The following SLC16A2 variants were observed in gnomAD, a reference collection of about 807,000 sequenced individuals.
SLC16A2 encodes the protein monocarboxylate transporter 8.
In SLC16A2, 3 loss-of-function variants were observed where a neutral mutation model predicts 27.2. The observed-to-expected ratio is 0.11, with a 90% confidence interval of 0.05 to 0.28. SLC16A2 has a LOEUF of 0.28. Among genes scored for constraint, SLC16A2 ranks in the 10% least tolerant of loss-of-function variants. The pLI is 1.00. For missense variants in SLC16A2, 295 were observed against 458.5 expected (o/e 0.64, Z 3.26); for synonymous variants, 202 against 187.8 (o/e 1.08, Z -0.62).
Position 74,524,780 on chromosome X carries a change from C to T in SLC16A2, c.997C>T (p.Leu333Phe), listed in dbSNP as rs1481359228. The change falls in exon 3 of 6, where the codon CTT becomes TTT. Residue 333 changes from leucine to phenylalanine, a missense_variant. Physicochemically the swap from Leu to Phe is conservative, Grantham distance 22 (BLOSUM62 0). This residue lies in a region of SLC16A2 where 144 missense variants were observed against 219.8 expected (regional missense o/e 0.66). Transcript: ENST00000587091. ...IWAFGIAAAALGYFVPYVHLM... is the reference protein window; with the variant it reads ...IWAFGIAAAAFGYFVPYVHLM... Reference sequence around the variant, plus strand: ...GGCCTTCGGAATTGCTGCTGCTGCCCTTGGCTACTTTGTTCCCTATGTACA... The same window carrying T: ...GGCCTTCGGAATTGCTGCTGCTGCCTTTGGCTACTTTGTTCCCTATGTACA... The T allele has an allele frequency of 4.1e-6, 5 of 1,210,570 alleles. No individual in the cohort carries two copies. The highest frequency in any genetic ancestry group is 1.1e-6 in the Non-Finnish European group (1 of 895,414).
chrX:74,529,526 G>T (rs1930535793), intron 5 of SLC16A2, 85 bp downstream of exon 5: 1 of 712,431 alleles, frequency 1.4e-6, no homozygotes. Flanking sequence ...TCTCCTTGAG[G>T]CCCCTTTTCC....
At chrX:74,529,995 T>A (rs1383443974) in intron 5 of SLC16A2, among the ~76,000 whole-genome samples, 2 of 109,132 alleles carry the variant, frequency 1.8e-5, no homozygotes, top group Non-Finnish European at 3.8e-5. Context: ...CTCCTGGTTT[T>A]CTCCCTCCAT....
At chrX:74,443,483 G>C (rs952358231) in intron 1 of SLC16A2, among the ~76,000 whole-genome samples, 1 of 111,606 alleles carries the variant, frequency 9.0e-6, no homozygotes, top group African/African-American at 3.3e-5. Context: ...AAAAAGAGTG[G>C]GTGAGTGACC....
intron 1 of SLC16A2, among the ~76,000 whole-genome samples, chrX:74,439,843 A>G (rs1306196462): frequency 6.3e-5 from 7 of 110,531 alleles, no homozygotes; most frequent in African/African-American, 2.3e-4. Flanking sequence ...AGCAAGAGGA[A>G]CATAGTTGGG....
chrX:74,480,477 T>C (rs1316198015), intron 1 of SLC16A2, among the ~76,000 whole-genome samples: 1 of 112,296 alleles, frequency 8.9e-6, no homozygotes, highest in Non-Finnish European at 1.9e-5. Context: ...CTCAGTGCAC[T>C]GCACCCACTG....
chrX:74,525,991 C>A, intron 4 of SLC16A2, 98 bp downstream of exon 4: 1 of 986,754 alleles, frequency 1.0e-6, no homozygotes, highest in Non-Finnish European at 1.4e-6. Flanking sequence ...TGTTGTGTCG[C>A]ATGGGAAAGT....
intron 1 of SLC16A2, chrX:74,473,460 C>T: frequency 1.8e-6 from 1 of 540,730 alleles, no homozygotes; most frequent in Non-Finnish European, 3.3e-6. Flanking sequence ...TTCTGAATGA[C>T]AGTCTTATCC....
chrX:74,456,620 G>A (rs1344443406), intron 1 of SLC16A2, among the ~76,000 whole-genome samples: 1 of 112,155 alleles, frequency 8.9e-6, no homozygotes, highest in Non-Finnish European at 1.9e-5. Context: ...CTACCTTTGG[G>A]TACTGCCCCT....
chrX:74,437,504 G>C (rs988545317), intron 1 of SLC16A2, among the ~76,000 whole-genome samples: 26 of 111,981 alleles, frequency 2.3e-4, no homozygotes, highest in African/African-American at 7.5e-4. Context: ...CATCCAAATG[G>C]TGAACAGCAC....
intron 1 of SLC16A2, among the ~76,000 whole-genome samples, chrX:74,515,174 T>A (rs768486632): frequency 1.8e-5 from 2 of 110,786 alleles, no homozygotes; most frequent in Admixed American, 9.6e-5. Flanking sequence ...ATGAAAAAAA[T>A]ACTAAGTCTC....
intron 1 of SLC16A2, among the ~76,000 whole-genome samples, chrX:74,511,282 C>T (rs1930228298): frequency 2.7e-5 from 3 of 110,706 alleles, no homozygotes; most frequent in South Asian, 3.9e-4. Context: ...CCCAGGTTCG[C>T]GCCATTCTCC....
At chrX:74,431,747 A>G (rs963470526) in intron 1 of SLC16A2, among the ~76,000 whole-genome samples, 6 of 112,318 alleles carry the variant, frequency 5.3e-5, no homozygotes, top group Non-Finnish European at 1.1e-4. Flanking sequence ...AAGAAAATGA[A>G]GGGTCAAATC....
At chrX:74,484,570 A>G (rs1929682008) in intron 1 of SLC16A2, among the ~76,000 whole-genome samples, 1 of 112,087 alleles carries the variant, frequency 8.9e-6, no homozygotes, top group Admixed American at 9.5e-5. Flanking sequence ...ATAATGAGGC[A>G]TATTCAACTC....
chrX:74,460,265 G>C (rs1205170031), intron 1 of SLC16A2, among the ~76,000 whole-genome samples: 1 of 111,636 alleles, frequency 9.0e-6, no homozygotes, highest in Non-Finnish European at 1.9e-5. Context: ...AGGTGGGCCT[G>C]TTCTTGGGAG....
intron 1 of SLC16A2, among the ~76,000 whole-genome samples, chrX:74,511,306 T>C (rs1342587264): frequency 9.0e-6 from 1 of 110,698 alleles, no homozygotes; most frequent in Non-Finnish European, 1.9e-5. Context: ...CTCAGCCTCC[T>C]GAGTAGCTGG....
chrX:74,465,639 G>C (rs1184645046), intron 1 of SLC16A2, among the ~76,000 whole-genome samples: 3 of 111,891 alleles, frequency 2.7e-5, no homozygotes, highest in Admixed American at 1.9e-4. Flanking sequence ...GAAAGAGCTG[G>C]AGAGGGTTGG....
intron 1 of SLC16A2, among the ~76,000 whole-genome samples, chrX:74,489,970 T>TACACAC (rs55975734): frequency 0.15 from 12,861 of 86,964 alleles, 1,020 homozygotes; most frequent in East Asian, 0.46. Flanking sequence ...GTCACACACA[T>TACACAC]ACACACACAC....
At chrX:74,444,469 G>T (rs1313104821) in intron 1 of SLC16A2, among the ~76,000 whole-genome samples, 1 of 110,615 alleles carries the variant, frequency 9.0e-6, no homozygotes, top group African/African-American at 3.3e-5. Context: ...TGTTACAGGG[G>T]AAGCAGCATG....
At chrX:74,487,703 C>T (rs1266563953) in intron 1 of SLC16A2, among the ~76,000 whole-genome samples, 1 of 111,879 alleles carries the variant, frequency 8.9e-6, no homozygotes, top group Non-Finnish European at 1.9e-5. Flanking sequence ...TTACATTATA[C>T]TCTCCGGTTT....
Sources: gnomAD v4.1 joint callset for allele counts (sites outside exome capture counted in the v4.1 genomes callset) on GRCh38, gnomAD v4.1.1 for gene constraint, gnomAD v4.1.1 regional missense constraint, MANE v1.5 for transcripts, NCBI Gene and HGNC (gene_info 2026-07-23, HGNC 2026-07-21) for gene names.